PHKA1: variants seen among roughly 807,000 people sequenced by gnomAD.
PHKA1 encodes the protein phosphorylase kinase regulatory subunit alpha 1.
Under a neutral mutation model 110.2 loss-of-function variants are expected in PHKA1, and 60 were observed. The observed-to-expected ratio is 0.54, with a 90% CI of 0.44 to 0.68. The LOEUF is 0.68. Among genes scored for constraint, PHKA1 ranks in the 30% least tolerant of loss-of-function variants. PHKA1 has a pLI of 0.00. For missense variants in PHKA1, 801 were observed against 942.5 expected (o/e 0.85, Z 1.97); for synonymous variants, 316 against 333.6 (o/e 0.95, Z 0.58).
chrX:72,690,345 C>T (rs782802592), intron 4 of PHKA1, among the ~76,000 whole-genome samples: 2 of 111,085 alleles, frequency 1.8e-5, no homozygotes, highest in African/African-American at 6.5e-5. Flanking sequence ...GAATTGTGTC[C>T]TCCCCCCAAA....
intron 13 of PHKA1, among the ~76,000 whole-genome samples, chrX:72,648,888 A>C (rs1356352402): frequency 8.9e-6 from 1 of 112,140 alleles, no homozygotes; most frequent in Non-Finnish European, 1.9e-5. Flanking sequence ...GTATAGGTAG[A>C]AGGAAAGGTC....
At chrX:72,658,680 T>C (rs1397186527) in intron 8 of PHKA1, among the ~76,000 whole-genome samples, 1 of 111,358 alleles carries the variant, frequency 9.0e-6, no homozygotes, top group Non-Finnish European at 1.9e-5. Flanking sequence ...TCATCAGTTA[T>C]TTTGTAGAAT....
intron 21 of PHKA1, 33 bp from the exon 22 acceptor site, chrX:72,611,217 T>A: frequency 9.0e-7 from 1 of 1,114,266 alleles, no homozygotes; most frequent in African/African-American, 1.8e-5. Context: ...ACATCAGTTT[T>A]AAGTAAAGCT....
intron 14 of PHKA1, among the ~76,000 whole-genome samples, chrX:72,640,560 G>A (rs1472249999): frequency 1.8e-5 from 2 of 111,833 alleles, no homozygotes; most frequent in Non-Finnish European, 3.8e-5. Flanking sequence ...CTAAAAACAT[G>A]TTTGTACTTA....
chrX:72,582,711 C>T, intron 30 of PHKA1, 113 bp from the exon 31 acceptor site: 1 of 550,096 alleles, frequency 1.8e-6, no homozygotes, highest in Non-Finnish European at 3.2e-6. Flanking sequence ...GATTCAGCCC[C>T]CTTCAAAATA....
chrX:72,668,322 C>T (rs2053638305), intron 6 of PHKA1, among the ~76,000 whole-genome samples: 1 of 111,241 alleles, frequency 9.0e-6, no homozygotes, highest in Admixed American at 9.6e-5. Context: ...GCATCAATTC[C>T]CTGAAGTAGA....
chrX:72,623,482 G>A (rs1288753967), intron 17 of PHKA1, among the ~76,000 whole-genome samples: 1 of 110,993 alleles, frequency 9.0e-6, no homozygotes, highest in Non-Finnish European at 1.9e-5. Flanking sequence ...ATTAATAAAG[G>A]TTACAATTAT....
chrX:72,682,934 T>TAAAAAA (rs1164416043), intron 5 of PHKA1, among the ~76,000 whole-genome samples: 4 of 63,852 alleles, frequency 6.3e-5, no homozygotes, highest in Non-Finnish European at 1.1e-4. Context: ...AAAAATAAAT[T>TAAAAAA]AAAAAAAAAA....
intron 5 of PHKA1, among the ~76,000 whole-genome samples, chrX:72,684,066 A>G (rs2053941232): frequency 2.7e-5 from 3 of 112,406 alleles, no homozygotes; most frequent in Admixed American, 9.4e-5. Context: ...TGGTAGTTGT[A>G]AGGAAAAATA....
At chrX:72,635,077 AAAC>A (rs1264122115) in intron 16 of PHKA1, 75 bp downstream of exon 16, 1 of 1,117,611 alleles carries the variant, frequency 8.9e-7, no homozygotes, top group Non-Finnish European at 1.2e-6. Flanking sequence ...AGCTCTCTAG[AAAC>A]AACAAGATGT....
intron 21 of PHKA1, among the ~76,000 whole-genome samples, chrX:72,617,507 G>A (rs1448371710): frequency 9.0e-6 from 1 of 111,240 alleles, no homozygotes; most frequent in African/African-American, 3.3e-5. Context: ...GCAACAGAGC[G>A]AGACCTCACT....
chrX:72,597,254 G>A (rs926352707), intron 28 of PHKA1, among the ~76,000 whole-genome samples: 11 of 112,332 alleles, frequency 9.8e-5, no homozygotes, highest in Non-Finnish European at 1.9e-4. Flanking sequence ...ACTAATAACA[G>A]TGGCTTACCA....
rs1353122419 is a variant in PHKA1 at position 72,680,684 on chromosome X, G to A, written c.537+3814C>T. Among the ~76,000 whole-genome samples the A allele has an allele frequency of 2.8e-5, 3 of 106,491 alleles. No homozygotes were observed. The East Asian group carries it at 9.2e-4, about 33-fold the overall frequency. The allele number at this position is 106,491 out of a possible 115,157, so 92.5% of individuals were successfully genotyped here. The stretch of plus-strand genomic sequence containing the variant: ...GCAGTGCGGAGCCAGGACAGTCGCG[G>A]CGCTGACGCCCGCGGGCCCCAGCTG... On this transcript the variant is annotated intron_variant, in intron 5 of 31. Transcript: ENST00000373542.
chrX:72,602,035 A>T lies in PHKA1; in HGVS notation c.3034-6T>A, dbSNP rs199530028. 2.5e-6 allele frequency: 3 copies of T among 1,188,564 alleles called. No homozygotes were observed. In the East Asian group the frequency reaches 8.9e-5, roughly 35 times the overall value. Reference sequence around the variant, plus strand: ...GACAGTCTACGAAATTCCACCTGAAACATAAATGGCTCAAATTAAACTCAG... The same window carrying T: ...GACAGTCTACGAAATTCCACCTGAATCATAAATGGCTCAAATTAAACTCAG... On this transcript the variant is annotated splice_polypyrimidine_tract_variant and splice_region_variant and intron_variant, in intron 27 of 31. Transcript: ENST00000373542.
rs111841552 is a variant in PHKA1 at position 72,650,632 on chromosome X, A to G, written c.1246-164T>C. Among the ~76,000 whole-genome samples, 2,044 of 112,604 alleles carry G rather than the reference A, an allele frequency of 0.018. 23 individuals are homozygous for G. The highest frequency in any genetic ancestry group is 0.073 in the Middle Eastern group (16 of 219). On this transcript the variant is annotated intron_variant, in intron 12 of 31. Coordinates refer to ENST00000373542, the MANE Select transcript of PHKA1 (RefSeq NM_002637.4). ...ACTGTATGAAAATGTTTGAATTCCC[A>G]AATTCACACCACAATTCCTTTTATC... is the stretch of plus-strand genomic sequence containing the variant.
At chrX:72,593,929 G>A (rs964472314) in intron 28 of PHKA1, among the ~76,000 whole-genome samples, 5 of 112,076 alleles carry the variant, frequency 4.5e-5, no homozygotes, top group Non-Finnish European at 7.5e-5. Flanking sequence ...TGGGCCATAA[G>A]ATGAGCCATA....
intron 6 of PHKA1, among the ~76,000 whole-genome samples, 184 bp from the exon 7 acceptor site, chrX:72,667,657 T>G (rs1230753434): frequency 2.7e-5 from 3 of 112,275 alleles, no homozygotes; most frequent in Admixed American, 9.5e-5. Context: ...TCCCATATTG[T>G]CTCAGAGAAA....
intron 3 of PHKA1, among the ~76,000 whole-genome samples, chrX:72,703,795 C>A (rs1034307904): frequency 1.8e-5 from 2 of 112,337 alleles, no homozygotes; most frequent in Middle Eastern, 4.6e-3. Flanking sequence ...ATATTTCCTT[C>A]TACTATAGAC....
intron 6 of PHKA1, among the ~76,000 whole-genome samples, chrX:72,674,103 A>G (rs1410612900): frequency 1.8e-5 from 2 of 109,108 alleles, no homozygotes; most frequent in Non-Finnish European, 3.8e-5. Flanking sequence ...GATGGTTTCC[A>G]GCTTCATCCA....
Sources: allele counts gnomAD v4.1 joint callset (sites outside exome capture counted in the v4.1 genomes callset), GRCh38; gene constraint gnomAD v4.1.1; transcripts MANE v1.5; gene names NCBI Gene and HGNC (gene_info 2026-07-23, HGNC 2026-07-21).